Variants in CCDC91 observed in about 807,000 individuals in gnomAD.
The protein encoded by CCDC91 is coiled-coil domain containing 91.
A neutral mutation model predicts 63.2 loss-of-function variants in CCDC91; 48 were observed. That is an observed-to-expected ratio of 0.76 (90% confidence interval 0.60 to 0.97). The LOEUF (loss-of-function observed/expected upper bound fraction) is 0.97, where lower values mean the gene tolerates loss of function less well. Ranked by LOEUF, CCDC91 falls within the 50% of genes least tolerant of loss-of-function variation. CCDC91 has a pLI of 0.00. For missense variants in CCDC91, 500 were observed against 494.6 expected (o/e 1.01, Z -0.10); for synonymous variants, 167 against 165.8 (o/e 1.01, Z -0.06).
chr12:28,230,661 A>G (rs765937139), intron 1 of CCDC91, among the ~76,000 whole-genome samples: 30 of 152,242 alleles, frequency 2.0e-4, no homozygotes, highest in Admixed American at 8.5e-4. Context: ...GTCTGGGTCT[A>G]TCACCCAGGC....
intron 1 of CCDC91, among the ~76,000 whole-genome samples, chr12:28,223,157 T>C (rs928573280): frequency 5.3e-5 from 8 of 152,168 alleles, no homozygotes; most frequent in Admixed American, 4.6e-4. Flanking sequence ...TGATGAAGCC[T>C]GTGTTTGCAC....
At chr12:28,287,415 T>C (rs1474932846) in intron 3 of CCDC91, among the ~76,000 whole-genome samples, 2 of 152,182 alleles carry the variant, frequency 1.3e-5, no homozygotes, top group Non-Finnish European at 2.9e-5. Context: ...CCAGTTTCAA[T>C]CTTCTATATG....
chr12:28,482,840 G>T (rs1951518841), intron 11 of CCDC91, among the ~76,000 whole-genome samples: 1 of 151,974 alleles, frequency 6.6e-6, no homozygotes, highest in South Asian at 2.1e-4. Flanking sequence ...GTTTGTCACT[G>T]CTGTATTTTA....
At chr12:28,205,929 T>C (rs991869556) in intron 1 of CCDC91, among the ~76,000 whole-genome samples, 1 of 152,238 alleles carries the variant, frequency 6.6e-6, no homozygotes, top group Non-Finnish European at 1.5e-5. Context: ...AGCACAACTT[T>C]AGTCATTAAT....
rs73263485 is a variant in CCDC91 at position 28,354,474 on chromosome 12, G to T, written c.577-7964G>T. Among the ~76,000 whole-genome samples, 227 of 152,150 alleles carry T rather than the reference G, an allele frequency of 1.5e-3. 1 individual carries two copies. Among genetic ancestry groups the T allele is most frequent in the African/African-American group, 5.2e-3 (217 of 41,500 alleles). ...ATTTCCAAATAAGGTTACATGCGCG[G>T]CTACCAGGTTTTAGGACTTGGACAA... On this transcript the variant is annotated intron_variant, in intron 6 of 12. Coordinates refer to ENST00000536442, the MANE Select transcript of CCDC91 (RefSeq NM_018318.5).
chr12:28,236,077 A>T (rs1203790303), intron 1 of CCDC91: 1 of 152,154 alleles, frequency 6.6e-6, no homozygotes, highest in African/African-American at 2.4e-5. Context: ...TCCTAAGATT[A>T]GTCAAAATTC....
intron 1 of CCDC91, among the ~76,000 whole-genome samples, chr12:28,219,121 A>C (rs1239232499): frequency 6.6e-6 from 1 of 152,186 alleles, no homozygotes; most frequent in South Asian, 2.1e-4. Flanking sequence ...GATATTGTGA[A>C]TCTTTTTAAG....
chr12:28,441,176 T>G, intron 8 of CCDC91, among the ~76,000 whole-genome samples: 1 of 150,984 alleles, frequency 6.6e-6, no homozygotes, highest in Non-Finnish European at 1.5e-5. Context: ...GGAAATTCAG[T>G]TTAAAACCAT....
chr12:28,500,419 A>G (rs1362516963), intron 12 of CCDC91, among the ~76,000 whole-genome samples: 1 of 152,078 alleles, frequency 6.6e-6, no homozygotes, highest in Non-Finnish European at 1.5e-5. Context: ...GTCTTTGTCC[A>G]TGCCTATGTC....
intron 8 of CCDC91, among the ~76,000 whole-genome samples, chr12:28,437,653 A>C (rs1006044483): frequency 4.6e-5 from 7 of 152,076 alleles, no homozygotes; most frequent in African/African-American, 1.7e-4. Flanking sequence ...ATGACAATTC[A>C]TATCTTTTTA....
intron 12 of CCDC91, among the ~76,000 whole-genome samples, chr12:28,516,893 C>A (rs191422763): frequency 6.6e-6 from 1 of 151,926 alleles, no homozygotes; most frequent in Non-Finnish European, 1.5e-5. Context: ...AATACTCTTA[C>A]AATGGCAGTT....
Position 28,248,081 on chromosome 12 carries a change from C to T in CCDC91, c.-14-9121C>T, listed in dbSNP as rs184533356. On this transcript the variant is annotated intron_variant, in intron 1 of 12. Coordinates refer to ENST00000536442, the MANE Select transcript of CCDC91 (RefSeq NM_018318.5). ...TCCGCGGGTTGGGGACCCCTGCTCT[C>T]GGAGATAGGATTTTGTGATTGATTT... Among the ~76,000 whole-genome samples, 32 of 152,096 alleles carry T rather than the reference C, an allele frequency of 2.1e-4. No homozygotes were observed. The East Asian group carries it at 2.9e-3, about 14-fold the overall frequency.
intron 7 of CCDC91, among the ~76,000 whole-genome samples, chr12:28,372,451 G>T (rs1355552663): frequency 1.3e-5 from 2 of 151,962 alleles, no homozygotes; most frequent in Non-Finnish European, 2.9e-5. Flanking sequence ...GATTCTTCCA[G>T]TCCATGATTA....
intron 8 of CCDC91, 73 bp downstream of exon 8, chr12:28,391,484 T>C (rs1445489846): frequency 2.3e-6 from 2 of 878,082 alleles, no homozygotes; most frequent in African/African-American, 3.4e-5. Context: ...TCTATAACTG[T>C]TTATTCAGTT....
At chr12:28,498,013 A>G (rs959873312) in intron 12 of CCDC91, among the ~76,000 whole-genome samples, 2 of 151,580 alleles carry the variant, frequency 1.3e-5, no homozygotes, top group African/African-American at 4.8e-5. Flanking sequence ...TAGCCATGGA[A>G]CTAAACAAAC....
intron 7 of CCDC91, among the ~76,000 whole-genome samples, chr12:28,389,710 T>C (rs1945819603): frequency 6.6e-6 from 1 of 152,126 alleles, no homozygotes; most frequent in African/African-American, 2.4e-5. Flanking sequence ...AATAGGGAAG[T>C]GAACACAGTT....
At chr12:28,332,784 T>G (rs1941614569) in intron 6 of CCDC91, among the ~76,000 whole-genome samples, 1 of 152,136 alleles carries the variant, frequency 6.6e-6, no homozygotes, top group Non-Finnish European at 1.5e-5. Flanking sequence ...TATTCCTGAT[T>G]TATTAACATT....
intron 8 of CCDC91, among the ~76,000 whole-genome samples, chr12:28,440,374 C>T (rs1466851487): frequency 6.6e-6 from 1 of 152,122 alleles, no homozygotes; most frequent in Non-Finnish European, 1.5e-5. Context: ...ATGCCTTTAA[C>T]CCAGTTCGTA....
rs77999695 is a variant in CCDC91, at chr12:28,264,854, T to G, written c.109+5412T>G. On this transcript the variant is annotated intron_variant, in intron 3 of 12. Coordinates refer to ENST00000536442, the MANE Select transcript of CCDC91 (RefSeq NM_018318.5). ...TTCATTTGTTTATTCATTCACTCAC[T>G]TAGCATATATTTGAAAATTTACTGT... Among the ~76,000 whole-genome samples the G allele has an allele frequency of 4.7e-3, 708 of 152,092 alleles. 12 individuals are homozygous for G. The highest frequency in any genetic ancestry group is 0.016 in the African/African-American group (675 of 41,512).
Sources: allele counts gnomAD v4.1 joint callset (sites outside exome capture counted in the v4.1 genomes callset), GRCh38; gene constraint gnomAD v4.1.1; transcripts MANE v1.5; gene names NCBI Gene and HGNC (gene_info 2026-07-23, HGNC 2026-07-21).